Variants in FANCA observed in about 807,000 individuals in gnomAD.
The protein encoded by FANCA is FA complementation group A.
FANCA carries 236 observed loss-of-function variants against 194.3 expected under a neutral mutation model. The ratio of observed to expected loss-of-function variants is 1.21; its 90% CI spans 1.09 to 1.35. The LOEUF (loss-of-function observed/expected upper bound fraction) is 1.35. Ranked by LOEUF, FANCA falls within the 40% of genes most tolerant of loss-of-function variation. The pLI is 0.00. For synonymous variants in FANCA, 1,014 were observed against 715.8 expected, an observed-to-expected ratio of 1.42 and a Z score of -6.65; for missense variants, 2,628 against 1,813.9, an observed-to-expected ratio of 1.45 and a Z score of -8.15.
chr16:89,764,832 A>G (rs2039070059), intron 28 of FANCA, 58 bp downstream of exon 28: 2 of 1,590,074 alleles, frequency 1.3e-6, no homozygotes, highest in African/African-American at 2.7e-5. Context: ...CCCGAGGAGC[A>G]CACACAAACC....
chr16:89,815,728 G>A (rs2041086702), intron 2 of FANCA, 149 bp downstream of exon 2: 8 of 722,286 alleles, frequency 1.1e-5, no homozygotes, highest in Non-Finnish European at 1.8e-5. Flanking sequence ...GGTTGGTCCA[G>A]AACTCCCGGG....
At chr16:89,796,828 C>T (rs965250167) in intron 10 of FANCA, among the ~76,000 whole-genome samples, 1 of 151,778 alleles carries the variant, frequency 6.6e-6, no homozygotes, top group Non-Finnish European at 1.5e-5. Context: ...CAAGACTACC[C>T]TGGCTAACAT....
rs779989777 is a variant in FANCA at position 89,792,525 on chromosome 16, C to G, written c.1029G>C (p.Gln343His). The G allele has an allele frequency of 1.2e-6, 2 of 1,613,320 alleles. No homozygotes were observed. Among genetic ancestry groups the G allele is most frequent in the East Asian group, 4.5e-5 (2 of 44,898 alleles). The change falls in exon 12 of 43, where the codon CAG becomes CAC. Residue 343 changes from glutamine to histidine, a missense_variant. Transcript: ENST00000389301. ...VLKASDAVQM[Q>H]REWSFARTHP... ...GTGTCCGCGCAAAGCTCCACTCTCT[C>G]TGCATCTGAACAGCATCAGATGCTG...
At position 89,749,801 on chromosome 16, in the gene FANCA, G is replaced by A. The variant is rs377633991; in HGVS notation, c.3168C>T (p.Leu1056=). 3.2e-5 allele frequency: 52 copies of A among 1,614,114 alleles called. No individual in the cohort carries two copies. Among genetic ancestry groups the A allele is most frequent in the African/African-American group, 3.1e-4 (23 of 74,936 alleles). The change falls in exon 32 of 43, where the codon CTC becomes CTT. Residue 1056 remains leucine, a synonymous_variant. Transcript: ENST00000389301. ...CGCTCCACCCGCTTGTCAGAGCCTG[G>A]AGCCGTCTGCGGAAAATCTCAAAGA... The part of the protein sequence containing the change: ...HFLFEIFRRR[L]QALTSGWSVA...
Position 89,792,526 on chromosome 16 carries a change from T to C in FANCA, c.1028A>G (p.Gln343Arg), listed in dbSNP as rs1239032057. ...TGTCCGCGCAAAGCTCCACTCTCTC[T>C]GCATCTGAACAGCATCAGATGCTGC... Reference protein sequence around the residue: ...VLKASDAVQMQREWSFARTHP... With the variant: ...VLKASDAVQMRREWSFARTHP... The change falls in exon 12 of 43, where the codon CAG becomes CGG. Residue 343 changes from glutamine to arginine, a missense_variant. Gln to Arg is a conservative substitution (Grantham distance 43, BLOSUM62 1). Coordinates refer to ENST00000389301, the MANE Select transcript of FANCA (RefSeq NM_000135.4). 1.9e-6 allele frequency: 3 copies of C among 1,613,356 alleles called. No homozygotes were observed. The South Asian group carries it at 3.3e-5, about 18-fold the overall frequency.
chr16:89,782,814 G>T (rs1473216012), intron 17 of FANCA, 45 bp downstream of exon 17: 1 of 1,535,262 alleles, frequency 6.5e-7, no homozygotes, highest in Non-Finnish European at 9.0e-7. Flanking sequence ...CCTTTGCATG[G>T]TGGGCGTGAC....
chr16:89,764,600 C>G (rs567820122), intron 28 of FANCA, among the ~76,000 whole-genome samples: 4 of 152,292 alleles, frequency 2.6e-5, no homozygotes, highest in Middle Eastern at 3.4e-3. Flanking sequence ...GCACCGTGCC[C>G]AGTATCTGTA....
At chr16:89,759,863 G>A (rs892007230) in intron 29 of FANCA, among the ~76,000 whole-genome samples, 2 of 152,224 alleles carry the variant, frequency 1.3e-5, no homozygotes, top group African/African-American at 2.4e-5. Flanking sequence ...CCCTGCAAAT[G>A]TGAGTGCTAG....
intron 24 of FANCA, 108 bp downstream of exon 24, chr16:89,770,456 C>T (rs969065957): frequency 1.7e-5 from 20 of 1,144,232 alleles, no homozygotes; most frequent in Non-Finnish European, 2.4e-5. Context: ...AGCATCGCCG[C>T]ATGCTCCTGC....
In FANCA at chr16:89,805,199, G is replaced by A. The variant is rs537000998; in HGVS notation, c.709+81C>T. The A allele has an allele frequency of 3.7e-5, 40 of 1,081,924 alleles. No homozygotes were observed. In the East Asian group the frequency reaches 8.1e-4, roughly 22 times the overall value. The allele number at this position is 1,081,924 out of a possible 1,614,324, so 67.0% of individuals were successfully genotyped here. ...ACGGAGAGACAGGCTGTTCTGCCTCGCAGAGCTCTTGAGAGCAGAAGGCAT... is the reference window on the plus strand; with the variant it reads ...ACGGAGAGACAGGCTGTTCTGCCTCACAGAGCTCTTGAGAGCAGAAGGCAT... On this transcript the variant is annotated intron_variant, in intron 7 of 42. Transcript: ENST00000389301.
intron 17 of FANCA, among the ~76,000 whole-genome samples, chr16:89,780,238 T>C (rs1404420725): frequency 6.6e-6 from 1 of 152,164 alleles, no homozygotes; most frequent in African/African-American, 2.4e-5. Flanking sequence ...GCTGAGAGCC[T>C]GCCGTGAGCC....
chr16:89,782,063 C>T (rs1205783275), intron 17 of FANCA, among the ~76,000 whole-genome samples: 1 of 151,592 alleles, frequency 6.6e-6, no homozygotes, highest in African/African-American at 2.4e-5. Flanking sequence ...GACCATCTGA[C>T]ATTTGGCTGC....
At chr16:89,799,570 C>A (rs1446173981) in intron 9 of FANCA, 35 bp downstream of exon 9, 2 of 1,599,106 alleles carry the variant, frequency 1.3e-6, no homozygotes, top group Non-Finnish European at 1.7e-6. Flanking sequence ...CAAACTAAGT[C>A]ATTTACAGTC....
Position 89,768,913 on chromosome 16 carries a change from CCA to C in FANCA, c.2504+922_2504+923del, listed in dbSNP as rs2039221923. Among the ~76,000 whole-genome samples, 5 of 151,512 alleles carry C rather than the reference CCA, an allele frequency of 3.3e-5. No homozygotes were observed. The South Asian group carries it at 6.2e-4, about 19-fold the overall frequency. The stretch of plus-strand genomic sequence containing the variant: ...GGCTGTGTGCCTCTCATGCCAACAC[CCA>C]GTACTCAGTGTTTGGGGCCTGGGGT... On this transcript the variant is annotated intron_variant, in intron 26 of 42. Coordinates refer to ENST00000389301, the MANE Select transcript of FANCA (RefSeq NM_000135.4).
intron 21 of FANCA, among the ~76,000 whole-genome samples, chr16:89,773,598 A>G (rs1453970650): frequency 1.3e-5 from 2 of 152,108 alleles, no homozygotes. Context: ...CGAGTTTCAT[A>G]AAAAATTACA....
rs6500441 is a variant in FANCA, at chr16:89,762,261, C to G, written c.2779-239G>C. 0.52 allele frequency among the ~76,000 whole-genome samples: 78,737 copies of G among 152,068 alleles called. 22,347 individuals are homozygous for G. Among genetic ancestry groups the G allele is most frequent in the East Asian group, 0.98 (5,097 of 5,194 alleles). ...GTAATCCTTCTTTCTAAGTATAAAA[C>G]GGCTATTTTAGTCTGGGCAACATAG... On this transcript the variant is annotated intron_variant, in intron 28 of 42. Coordinates refer to ENST00000389301, the MANE Select transcript of FANCA (RefSeq NM_000135.4).
chr16:89,807,808 G>A (rs1022767774), intron 6 of FANCA, among the ~76,000 whole-genome samples: 10 of 151,980 alleles, frequency 6.6e-5, no homozygotes, highest in South Asian at 2.1e-4. Context: ...GCGTGAACCC[G>A]GGAGGTGGAG....
intron 3 of FANCA, among the ~76,000 whole-genome samples, chr16:89,812,159 C>T (rs1287328207): frequency 6.7e-6 from 1 of 148,756 alleles, no homozygotes; most frequent in Admixed American, 6.7e-5. Context: ...CACGGTGAAA[C>T]CCTGTCTCTA....
At chr16:89,796,254 G>T (rs1203070300) in intron 10 of FANCA, among the ~76,000 whole-genome samples, 1 of 152,198 alleles carries the variant, frequency 6.6e-6, no homozygotes, top group Non-Finnish European at 1.5e-5. Context: ...GGAGCAGAAG[G>T]AAACAGGTGG....
Sources: gnomAD v4.1 joint callset for allele counts (sites outside exome capture counted in the v4.1 genomes callset) on GRCh38, gnomAD v4.1.1 for gene constraint, MANE v1.5 for transcripts, NCBI Gene and HGNC (gene_info 2026-07-23, HGNC 2026-07-21) for gene names.